The following BACH2 variants were observed in gnomAD, a reference collection of about 807,000 sequenced individuals.
BACH2 encodes the protein BACH transcriptional regulator 2, also known as transcription regulator protein BACH2.
In BACH2, 5 loss-of-function variants were observed where a neutral mutation model predicts 61.8. That is an observed-to-expected ratio of 0.08 (90% CI 0.04 to 0.17). BACH2 has a LOEUF of 0.17. BACH2 is among the 10% of genes least tolerant of loss of function. BACH2 has a pLI of 1.00. For missense variants in BACH2, 824 were observed against 1,091.1 expected (o/e 0.76, Z 3.45); for synonymous variants, 446 against 440.1 (o/e 1.01, Z -0.17).
chr6:90,263,896 G>C (rs1771243034), intron 2 of BACH2, among the ~76,000 whole-genome samples: 1 of 152,144 alleles, frequency 6.6e-6, no homozygotes, highest in Non-Finnish European at 1.5e-5. Flanking sequence ...ACAAGTCTAA[G>C]TAGGATGTGG....
chr6:90,160,766 G>A (rs1785162167), intron 4 of BACH2, among the ~76,000 whole-genome samples: 1 of 152,202 alleles, frequency 6.6e-6, no homozygotes, highest in African/African-American at 2.4e-5. Context: ...CTAAGTTGGA[G>A]TCTTCACTTA....
intron 3 of BACH2, among the ~76,000 whole-genome samples, chr6:90,228,878 G>C (rs528166517): frequency 4.1e-4 from 63 of 152,300 alleles, no homozygotes; most frequent in African/African-American, 1.5e-3. Context: ...CTAAGTATAA[G>C]AACAACCTTT....
At chr6:89,999,016 A>C (rs905459344) in intron 6 of BACH2, among the ~76,000 whole-genome samples, 3 of 152,256 alleles carry the variant, frequency 2.0e-5, no homozygotes, top group Non-Finnish European at 2.9e-5. Flanking sequence ...TAAAGCTGCC[A>C]AAGAAAAGAC....
At position 89,951,901 on chromosome 6, in the gene BACH2, G is replaced by A; in HGVS notation, c.244-39C>T. The A allele has an allele frequency of 6.3e-7, 1 of 1,589,168 alleles. No individual in the cohort carries two copies. The highest frequency in any genetic ancestry group is 1.2e-5 in the South Asian group (1 of 86,822). On this transcript the variant is annotated intron_variant, in intron 6 of 8. Transcript: ENST00000257749. This position sits in a 1 kb window ranked among gnomAD's most constrained non-coding sequence, Gnocchi z 6.4. The stretch of plus-strand genomic sequence containing the variant: ...AGGGAAATCGCCAACATTACCATCA[G>A]CACTGCTATTGTCCCGAATCCCTCA...
chr6:90,286,322 A>T (rs1772015553), intron 1 of BACH2, among the ~76,000 whole-genome samples: 1 of 152,232 alleles, frequency 6.6e-6, no homozygotes, highest in African/African-American at 2.4e-5. Context: ...TAAAACCTGT[A>T]TGCTAATTGA....
At chr6:90,043,950 A>G (rs1186445870) in intron 5 of BACH2, among the ~76,000 whole-genome samples, 2 of 152,188 alleles carry the variant, frequency 1.3e-5, no homozygotes, top group Non-Finnish European at 2.9e-5. Flanking sequence ...TCCCTGGAGC[A>G]CAATGCCTGA....
At chr6:89,982,683 T>C (rs1442486107) in intron 6 of BACH2, among the ~76,000 whole-genome samples, 1 of 152,150 alleles carries the variant, frequency 6.6e-6, no homozygotes, top group African/African-American at 2.4e-5. Flanking sequence ...AAAACACGAT[T>C]TTCCTATTAT....
chr6:90,189,441 T>A (rs1052726654), intron 4 of BACH2, among the ~76,000 whole-genome samples: 2 of 151,446 alleles, frequency 1.3e-5, no homozygotes, highest in African/African-American at 4.9e-5. Flanking sequence ...ACCCCGTATC[T>A]ACTAAAAATA....
chr6:90,139,732 TTG>T (rs1784400919), intron 4 of BACH2, among the ~76,000 whole-genome samples: 1 of 152,180 alleles, frequency 6.6e-6, no homozygotes, highest in Non-Finnish European at 1.5e-5. Context: ...ACACTACCAG[TTG>T]TACTTCCACA....
intron 3 of BACH2, among the ~76,000 whole-genome samples, chr6:90,250,607 C>T (rs1462340420): frequency 6.6e-6 from 1 of 152,104 alleles, no homozygotes; most frequent in Non-Finnish European, 1.5e-5. Context: ...AACTCCCTGC[C>T]CCAATGGTGC....
intron 5 of BACH2, among the ~76,000 whole-genome samples, chr6:90,011,885 A>G (rs941471316): frequency 9.5e-5 from 14 of 147,444 alleles, no homozygotes; most frequent in African/African-American, 3.5e-4. Context: ...ACACCACTGC[A>G]CTCCAGCCTG....
chr6:90,074,732 C>T (rs193165330), intron 5 of BACH2, among the ~76,000 whole-genome samples: 1 of 152,120 alleles, frequency 6.6e-6, no homozygotes, highest in African/African-American at 2.4e-5. Context: ...GAGGTGGAAG[C>T]GATGGCGGGA....
rs141976854 is a variant in BACH2 at position 89,932,516 on chromosome 6, C to G, written c.2418G>C (p.Glu806Asp). ...LEGTDPGTFS[E>D]RGPPLEPRSQ... ...TCCTGGGTTCAAGAGGAGGTCCTCT[C>G]TCTGAGAAGGTTCCCGGGTCAGTGC... Residue 806 changes from glutamate to aspartate, a missense_variant, in exon 9 of 9, where the codon GAG becomes GAC. By Grantham distance (45) the Glu-to-Asp change is conservative. This residue lies in a region of BACH2 where 135 missense variants were observed against 142.7 expected (regional missense o/e 0.95). Coordinates refer to ENST00000257749, the MANE Select transcript of BACH2 (RefSeq NM_021813.4). The G allele has an allele frequency of 1.8e-4, 297 of 1,614,094 alleles. No individual in the cohort carries two copies. The African/African-American group carries it at 3.4e-3, about 19-fold the overall frequency.
intron 7 of BACH2, among the ~76,000 whole-genome samples, chr6:89,940,700 C>T (rs1031756071): frequency 1.3e-5 from 2 of 152,132 alleles, no homozygotes; most frequent in South Asian, 4.1e-4. Context: ...ACAATACGAG[C>T]TACATTTGTG....
chr6:90,066,900 C>T (rs565392467), intron 5 of BACH2, among the ~76,000 whole-genome samples: 10 of 152,224 alleles, frequency 6.6e-5, no homozygotes, highest in South Asian at 4.1e-4. Flanking sequence ...ATTAGCTGTG[C>T]GATGTTGGAC....
At chr6:90,248,233 C>T (rs980824102) in intron 3 of BACH2, among the ~76,000 whole-genome samples, 2 of 152,116 alleles carry the variant, frequency 1.3e-5, no homozygotes, top group African/African-American at 2.4e-5. Flanking sequence ...AATCTGCTGT[C>T]GTTTTTTCAG....
chr6:90,000,902 A>C (rs1242698588), intron 6 of BACH2, among the ~76,000 whole-genome samples: 1 of 152,130 alleles, frequency 6.6e-6, no homozygotes, highest in Non-Finnish European at 1.5e-5. Flanking sequence ...CTTCCTGGCC[A>C]GTTTGCCTCC....
chr6:90,218,619 G>A (rs554531260), intron 3 of BACH2, among the ~76,000 whole-genome samples: 56 of 152,088 alleles, frequency 3.7e-4, no homozygotes, highest in African/African-American at 1.3e-3. Flanking sequence ...CTCCCAGGAG[G>A]GAGGAGAAGA....
intron 1 of BACH2, among the ~76,000 whole-genome samples, chr6:90,272,515 A>G (rs1220426946): frequency 2.0e-5 from 3 of 152,040 alleles, no homozygotes; most frequent in Non-Finnish European, 4.4e-5. Flanking sequence ...TTTTTCCTGC[A>G]TATGGTATCT....
Sources: allele counts gnomAD v4.1 joint callset (sites outside exome capture counted in the v4.1 genomes callset), GRCh38; gene constraint gnomAD v4.1.1; regional missense constraint gnomAD v4.1.1; non-coding constraint Gnocchi (gnomAD v3.1); transcripts MANE v1.5; gene names NCBI Gene and HGNC (gene_info 2026-07-23, HGNC 2026-07-21).